Variants in TRABD2A observed in about 807,000 individuals in gnomAD.
TRABD2A encodes the protein TraB domain containing 2A.
Under a neutral mutation model 45.6 loss-of-function variants are expected in TRABD2A, and 43 were observed. The ratio of observed to expected loss-of-function variants is 0.94; its 90% confidence interval spans 0.74 to 1.22. TRABD2A has a LOEUF of 1.22. Among genes scored for constraint, TRABD2A ranks in the 50% most tolerant of loss-of-function variants. The pLI is 0.00. For synonymous variants in TRABD2A, 269 were observed against 265.0 expected (o/e 1.02, Z -0.15); for missense variants, 642 against 652.4 (o/e 0.98, Z 0.17).
chr2:84,860,183 G>C (rs1682452795), intron 2 of TRABD2A, among the ~76,000 whole-genome samples: 1 of 152,132 alleles, frequency 6.6e-6, no homozygotes, highest in Admixed American at 6.5e-5. Flanking sequence ...TCCTGTCAAA[G>C]TTGCTCAAAC....
At chr2:84,838,053 G>A in intron 4 of TRABD2A, 1 of 584,474 alleles carries the variant, frequency 1.7e-6, no homozygotes, top group Non-Finnish European at 3.1e-6. Flanking sequence ...TCTGAGTCAG[G>A]TCAAATGAAG....
chr2:84,856,052 G>A (rs373227904), intron 2 of TRABD2A, among the ~76,000 whole-genome samples: 15 of 152,260 alleles, frequency 9.9e-5, no homozygotes, highest in South Asian at 2.1e-4. Context: ...CTGTTCAAGC[G>A]CAGGCCTCAC....
At chr2:84,831,637 C>A (rs1284815104) in intron 5 of TRABD2A, among the ~76,000 whole-genome samples, 1 of 152,122 alleles carries the variant, frequency 6.6e-6, no homozygotes, top group Non-Finnish European at 1.5e-5. Flanking sequence ...ACTCCCTGCA[C>A]CCCTAACCCC....
intron 1 of TRABD2A, 74 bp downstream of exon 1, chr2:84,880,858 C>G (rs1056278702): frequency 1.3e-6 from 2 of 1,540,194 alleles, no homozygotes; most frequent in African/African-American, 1.4e-5. Context: ...AGCGCTGCTT[C>G]GCGGGGTTCG....
At position 84,839,196 on chromosome 2, in the gene TRABD2A, A is replaced by G; in HGVS notation, c.944T>C (p.Leu315Pro). 1 of 1,613,930 alleles carries G rather than the reference A, an allele frequency of 6.2e-7. No homozygotes were observed. The change falls in exon 4 of 7, where the codon CTT becomes CCT. Residue 315 changes from leucine to proline, a missense_variant. Transcript: ENST00000409520. ...GCCTTTGTCAGGGAACTCCTCCAAA[A>G]GGGCCTTCACCCGCTTCCCTATTCT... ...NERIGKRVKA[L>P]LEEFPDKGFF...
At chr2:84,843,650 A>C (rs1559089029) in intron 2 of TRABD2A, 1 of 152,366 alleles carries the variant, frequency 6.6e-6, no homozygotes, top group Non-Finnish European at 1.5e-5. Context: ...CCTCACATGG[A>C]AGAAGACAGA....
At chr2:84,844,355 G>T (rs1199485137) in intron 2 of TRABD2A, among the ~76,000 whole-genome samples, 3 of 152,136 alleles carry the variant, frequency 2.0e-5, no homozygotes, top group African/African-American at 7.2e-5. Flanking sequence ...ACGCTCTCTT[G>T]CCTTCCACCA....
chr2:84,838,629 T>C (rs2105379379), intron 4 of TRABD2A, among the ~76,000 whole-genome samples: 1 of 152,344 alleles, frequency 6.6e-6, no homozygotes, highest in African/African-American at 2.4e-5. Context: ...TTCCTGAGGC[T>C]GCAAAGAATT....
intron 1 of TRABD2A, 93 bp downstream of exon 1, chr2:84,880,839 G>C (rs1683179372): frequency 6.6e-7 from 1 of 1,524,570 alleles, no homozygotes; most frequent in African/African-American, 1.4e-5. Context: ...AGTCGGCTCG[G>C]GGTCCGAAAG....
chr2:84,831,925 G>C (rs559033103), intron 5 of TRABD2A, 130 bp downstream of exon 5: 1 of 867,270 alleles, frequency 1.2e-6, no homozygotes, highest in Middle Eastern at 3.4e-4. Context: ...GTCCATGTAA[G>C]GTCAAGTGTG....
At chr2:84,853,532 A>G (rs536595567) in intron 2 of TRABD2A, among the ~76,000 whole-genome samples, 1 of 152,288 alleles carries the variant, frequency 6.6e-6, no homozygotes, top group East Asian at 1.9e-4. Flanking sequence ...GGTCCCGCCC[A>G]TGACACATGG....
chr2:84,869,722 G>A (rs1682806425), intron 2 of TRABD2A, among the ~76,000 whole-genome samples: 1 of 152,158 alleles, frequency 6.6e-6, no homozygotes, highest in African/African-American at 2.4e-5. Context: ...GCTCACACCT[G>A]TAATCCCAGC....
intron 2 of TRABD2A, among the ~76,000 whole-genome samples, chr2:84,867,831 C>A (rs1353050502): frequency 1.3e-5 from 2 of 152,168 alleles, no homozygotes; most frequent in East Asian, 1.9e-4. Flanking sequence ...GACACATGAA[C>A]AAATGCTCAT....
chr2:84,849,112 TG>T (rs1276024017), intron 2 of TRABD2A, among the ~76,000 whole-genome samples: 1 of 150,194 alleles, frequency 6.7e-6, no homozygotes, highest in Non-Finnish European at 1.5e-5. Flanking sequence ...GGAAACCCCT[TG>T]CTGCAGACCC....
rs569377196 is a variant in TRABD2A, at chr2:84,830,985, G to A, written c.1082+1070C>T. Among the ~76,000 whole-genome samples, 1 of 152,282 alleles carries A rather than the reference G, an allele frequency of 6.6e-6. No individual in the cohort carries two copies. Among genetic ancestry groups the A allele is most frequent in the South Asian group, 2.1e-4 (1 of 4,824 alleles). On this transcript the variant is annotated intron_variant, in intron 5 of 6. Coordinates refer to ENST00000409520, the MANE Select transcript of TRABD2A (RefSeq NM_001277053.2). This position sits in a 1 kb window ranked among gnomAD's most constrained non-coding sequence, Gnocchi z 4.9. ...GAGAGGGGGCTGCTGACCACAGATC[G>A]GGAGGCAGTGGGGGCCAGAGGAATG...
rs751382923 is a variant in TRABD2A at position 84,870,360 on chromosome 2, C to G, written c.534G>C (p.Val178=). Residue 178 remains valine (V), a synonymous_variant, in exon 2 of 7, where the codon GTG becomes GTC. Transcript: ENST00000409520. The part of the protein sequence containing the change: ...VMLMVNSLTE[V]DIKSRGVPVL... ...CAGGCACTCCACGGGACTTAATGTC[C>G]ACTTCAGTCAGGGAGTTGACCATGA... The G allele has an allele frequency of 6.2e-7, 1 of 1,614,030 alleles. No homozygotes were observed.
intron 4 of TRABD2A, chr2:84,835,899 T>C (rs1681492613): frequency 6.6e-6 from 1 of 152,208 alleles, no homozygotes; most frequent in Admixed American, 6.5e-5. Flanking sequence ...CCCCACCTCT[T>C]AATACCATGA....
chr2:84,822,635 C>T (rs958942643), intron 6 of TRABD2A, among the ~76,000 whole-genome samples: 3 of 152,188 alleles, frequency 2.0e-5, no homozygotes, highest in East Asian at 1.9e-4. Flanking sequence ...TGCCCAACCC[C>T]GTAGTCACCA....
chr2:84,863,402 GC>G (rs1337784992), intron 2 of TRABD2A, among the ~76,000 whole-genome samples: 1 of 148,662 alleles, frequency 6.7e-6, no homozygotes, highest in African/African-American at 2.5e-5. Context: ...CAGCCATCAC[GC>G]CCGGCTAATT....
Sources: gnomAD v4.1 joint callset for allele counts (sites outside exome capture counted in the v4.1 genomes callset) on GRCh38, gnomAD v4.1.1 for gene constraint, Gnocchi (gnomAD v3.1) non-coding constraint, MANE v1.5 for transcripts, NCBI Gene and HGNC (gene_info 2026-07-23, HGNC 2026-07-21) for gene names.